The following SLC24A3 variants were observed in gnomAD, a reference collection of about 807,000 sequenced individuals.
The protein encoded by SLC24A3 is sodium/potassium/calcium exchanger 3.
SLC24A3 carries 28 observed loss-of-function variants against 75.8 expected under a neutral mutation model. The observed-to-expected ratio is 0.37, with a 90% confidence interval of 0.27 to 0.51. SLC24A3 has a LOEUF of 0.51. Ranked by LOEUF, SLC24A3 falls within the 20% of genes least tolerant of loss-of-function variation. The pLI is 0.94. For missense variants in SLC24A3, 663 were observed against 847.8 expected (o/e 0.78, Z 2.71); for synonymous variants, 372 against 334.1 (o/e 1.11, Z -1.24).
intron 6 of SLC24A3, among the ~76,000 whole-genome samples, chr20:19,616,550 C>T (rs60102957): frequency 0.045 from 6,780 of 152,212 alleles, 531 homozygotes; most frequent in African/African-American, 0.15. Context: ...CCATCTGAGA[C>T]GGCTAACCTA....
At chr20:19,699,276 A>G (rs1171372559) in intron 15 of SLC24A3, among the ~76,000 whole-genome samples, 1 of 152,238 alleles carries the variant, frequency 6.6e-6, no homozygotes, top group Non-Finnish European at 1.5e-5. Context: ...CACTGGAGAG[A>G]TGCCATCCAG....
At chr20:19,445,984 A>G (rs1244575774) in intron 2 of SLC24A3, among the ~76,000 whole-genome samples, 1 of 152,242 alleles carries the variant, frequency 6.6e-6, no homozygotes, top group Non-Finnish European at 1.5e-5. Context: ...CTATCCTCAC[A>G]GTAACCCTTT....
rs190315608 is a variant in SLC24A3, at chr20:19,334,874, C to T, written c.271+53787C>T. On this transcript the variant is annotated intron_variant, in intron 2 of 16. Coordinates refer to ENST00000328041, the MANE Select transcript of SLC24A3 (RefSeq NM_020689.4). ...TGGCTTGACCCATCCTGCATGTGGG[C>T]TGAATGTCCCCTCCCAGCCAGAAAC... is the stretch of plus-strand genomic sequence containing the variant. Among the ~76,000 whole-genome samples, 401 of 152,232 alleles carry T rather than the reference C, an allele frequency of 2.6e-3. 3 individuals carry two copies. Among genetic ancestry groups the T allele is most frequent in the African/African-American group, 9.4e-3 (389 of 41,530 alleles).
intron 12 of SLC24A3, among the ~76,000 whole-genome samples, chr20:19,692,252 C>T (rs1259890151): frequency 1.3e-5 from 2 of 152,082 alleles, no homozygotes; most frequent in African/African-American, 4.8e-5. Context: ...AATAAATACC[C>T]ACCTTATGAC....
At position 19,693,432 on chromosome 20, in the gene SLC24A3, G is replaced by A. The variant is rs754867816; in HGVS notation, c.1491+7G>A. ...CTACATGATGGTGTGGATGGTGAGT[G>A]CAATCGGGACCCCATGGCACTGTTA... On this transcript the variant is annotated splice_region_variant and intron_variant, in intron 13 of 16. Coordinates refer to ENST00000328041, the MANE Select transcript of SLC24A3 (RefSeq NM_020689.4). The A allele has an allele frequency of 6.2e-7, 1 of 1,613,680 alleles. No homozygotes were observed. The highest frequency in any genetic ancestry group is 8.5e-7 in the Non-Finnish European group (1 of 1,179,844).
At chr20:19,696,111 G>A (rs2032803163) in intron 13 of SLC24A3, among the ~76,000 whole-genome samples, 1 of 139,290 alleles carries the variant, frequency 7.2e-6, no homozygotes, top group Admixed American at 8.1e-5. Flanking sequence ...TGAACCTCCT[G>A]GGCTCAAGCC....
At chr20:19,252,643 C>G (rs534038065) in intron 1 of SLC24A3, among the ~76,000 whole-genome samples, 39 of 133,418 alleles carry the variant, frequency 2.9e-4, no homozygotes, top group Admixed American at 1.5e-3. Context: ...ATTGGAATGG[C>G]GGGGGGGGGT....
chr20:19,704,660 T>C (rs561110878), intron 15 of SLC24A3, among the ~76,000 whole-genome samples: 2 of 152,156 alleles, frequency 1.3e-5, no homozygotes, highest in South Asian at 4.2e-4. Context: ...GAACAGGAGA[T>C]TAAGTTCTGT....
At chr20:19,678,425 C>G (rs1185447355) in intron 9 of SLC24A3, among the ~76,000 whole-genome samples, 2 of 136,454 alleles carry the variant, frequency 1.5e-5, no homozygotes, top group African/African-American at 2.9e-5. Flanking sequence ...GGCAGAGGCG[C>G]CCCTCACCTC....
chr20:19,472,144 C>T (rs1047739133), intron 2 of SLC24A3, among the ~76,000 whole-genome samples: 21 of 152,296 alleles, frequency 1.4e-4, no homozygotes, highest in African/African-American at 4.1e-4. Flanking sequence ...ACTTGGTGAA[C>T]GCTGTGAAGT....
intron 2 of SLC24A3, among the ~76,000 whole-genome samples, chr20:19,348,612 G>C (rs1376610696): frequency 6.6e-6 from 1 of 152,120 alleles, no homozygotes; most frequent in Non-Finnish European, 1.5e-5. Context: ...CAATAGAGTT[G>C]TGTTTTAGCA....
Position 19,440,667 on chromosome 20 carries a change from T to A in SLC24A3, c.272-74821T>A, listed in dbSNP as rs1395767226. ...ACTGTTTTTTTTTTTTTTTTTTTTT[T>A]AAGAATGAATTTATTTAGTAGAATG... On this transcript the variant is annotated intron_variant, in intron 2 of 16. Coordinates refer to ENST00000328041, the MANE Select transcript of SLC24A3 (RefSeq NM_020689.4). Among the ~76,000 whole-genome samples, 8 of 131,446 alleles carry A rather than the reference T, an allele frequency of 6.1e-5. No homozygotes were observed. The East Asian group carries it at 1.5e-3, about 24-fold the overall frequency. 86.2% of individuals were successfully genotyped at this position (131,446 alleles called of 152,430 possible).
At chr20:19,389,128 C>T (rs1032449122) in intron 2 of SLC24A3, among the ~76,000 whole-genome samples, 2 of 152,014 alleles carry the variant, frequency 1.3e-5, no homozygotes, top group Non-Finnish European at 2.9e-5. Context: ...AACTTCTCTT[C>T]CCCCCAAACT....
At chr20:19,341,227 C>A (rs1004891848) in intron 2 of SLC24A3, among the ~76,000 whole-genome samples, 3 of 152,232 alleles carry the variant, frequency 2.0e-5, no homozygotes, top group African/African-American at 4.8e-5. Context: ...AGGTTGACAG[C>A]AGCCTGGAGA....
At chr20:19,230,318 C>T (rs555530010) in intron 1 of SLC24A3, among the ~76,000 whole-genome samples, 2 of 152,208 alleles carry the variant, frequency 1.3e-5, no homozygotes, top group African/African-American at 4.8e-5. Flanking sequence ...GTTGACTTTT[C>T]TAGGGTGACT....
intron 1 of SLC24A3, among the ~76,000 whole-genome samples, chr20:19,235,325 C>T (rs933524613): frequency 2.0e-4 from 31 of 152,318 alleles, no homozygotes; most frequent in Middle Eastern, 3.4e-3. Flanking sequence ...GTGGTGCTGT[C>T]GCCAGTTTGT....
intron 6 of SLC24A3, among the ~76,000 whole-genome samples, chr20:19,609,988 C>T (rs1369351338): frequency 3.9e-5 from 6 of 152,172 alleles, no homozygotes; most frequent in Admixed American, 3.9e-4. Flanking sequence ...TGAGTCAATA[C>T]ATCTTGAATC....
At chr20:19,500,279 C>A (rs945451045) in intron 2 of SLC24A3, among the ~76,000 whole-genome samples, 3 of 152,198 alleles carry the variant, frequency 2.0e-5, no homozygotes, top group Non-Finnish European at 4.4e-5. Context: ...AGTCCCCCAA[C>A]TGTGGATACT....
chr20:19,460,766 CCCTT>C (rs1987657264), intron 2 of SLC24A3, among the ~76,000 whole-genome samples: 1 of 152,180 alleles, frequency 6.6e-6, no homozygotes, highest in Non-Finnish European at 1.5e-5. Context: ...TGCAGGCCCT[CCCTT>C]GTTCTTTTAC....
Sources: gnomAD v4.1 joint callset for allele counts (sites outside exome capture counted in the v4.1 genomes callset) on GRCh38, gnomAD v4.1.1 for gene constraint, MANE v1.5 for transcripts, NCBI Gene and HGNC (gene_info 2026-07-23, HGNC 2026-07-21) for gene names.